The following CAPZA1 variants were observed in gnomAD, a reference collection of about 807,000 sequenced individuals.
CAPZA1 encodes the protein capping actin protein of muscle Z-line subunit alpha 1, also known as F-actin-capping protein subunit alpha-1.
In CAPZA1, 10 loss-of-function variants were observed where a neutral mutation model predicts 40.8. That is an observed-to-expected ratio of 0.25 (90% CI 0.15 to 0.42). The LOEUF is 0.42. CAPZA1 is among the 10% of genes least tolerant of loss of function. The pLI is 1.00. For missense variants in CAPZA1, 277 were observed against 353.8 expected (o/e 0.78, Z 1.74); for synonymous variants, 98 against 115.0 (o/e 0.85, Z 0.95).
intron 7 of CAPZA1, among the ~76,000 whole-genome samples, chr1:112,660,317 T>C (rs1671580326): frequency 6.6e-6 from 1 of 152,194 alleles, no homozygotes; most frequent in African/African-American, 2.4e-5. Flanking sequence ...TTTGCTCTTA[T>C]TGCCCAGGCT....
chr1:112,669,597 G>A lies in CAPZA1; in HGVS notation c.712G>A (p.Glu238Lys). Reference sequence around the variant, plus strand: ...TAAAATCATAGAGAATGCAGAAAATGAGTATCAGGTAAGAAGATTTGGAGT... The same window carrying A: ...TAAAATCATAGAGAATGCAGAAAATAAGTATCAGGTAAGAAGATTTGGAGT... Reference protein sequence around the residue: ...FIKIIENAENEYQTAISENYQ... With the variant: ...FIKIIENAENKYQTAISENYQ... Residue 238 changes from glutamate to lysine, a missense_variant, in exon 9 of 10, where the codon GAG (glutamate) becomes AAG (lysine). Glu to Lys is a moderately conservative substitution (Grantham distance 56). Around this residue, in one of 2 missense-constraint regions of CAPZA1, gnomAD observed 192 missense variants for 277.2 expected, o/e 0.69. Transcript: ENST00000263168. 1 of 1,600,384 alleles carries A rather than the reference G, an allele frequency of 6.2e-7. No individual in the cohort carries two copies. Among genetic ancestry groups the A allele is most frequent in the South Asian group, 1.1e-5 (1 of 90,536 alleles).
chr1:112,640,199 C>G (rs1671119460), intron 1 of CAPZA1, among the ~76,000 whole-genome samples: 1 of 127,364 alleles, frequency 7.9e-6, no homozygotes, highest in Non-Finnish European at 1.7e-5. Context: ...GGGGGGTCAG[C>G]CCCCCGCCCG....
chr1:112,669,948 C>G, intron 9 of CAPZA1, 44 bp from the exon 10 acceptor site: 1 of 1,611,030 alleles, frequency 6.2e-7, no homozygotes, highest in Non-Finnish European at 8.5e-7. Flanking sequence ...TCACAACCAG[C>G]CCCATTTCTG....
In CAPZA1 at chr1:112,667,159, AT is replaced by A; in HGVS notation, c.657+17del. 6.4e-7 allele frequency: 1 copy of A among 1,566,332 alleles called. No homozygotes were observed. Among genetic ancestry groups the A allele is most frequent in the South Asian group, 1.1e-5 (1 of 88,384 alleles). Reference sequence around the variant, plus strand: ...CTAACTGTTTCGGTGAGTATGGAATATTTAGTGTCTGTCTTACTCATGTCTC... The same window carrying A: ...CTAACTGTTTCGGTGAGTATGGAATATTAGTGTCTGTCTTACTCATGTCTC... On this transcript the variant is annotated intron_variant, in intron 8 of 9. Coordinates refer to ENST00000263168, the MANE Select transcript of CAPZA1 (RefSeq NM_006135.3).
At chr1:112,659,344 A>G (rs952952163) in intron 6 of CAPZA1, 1 of 546,902 alleles carries the variant, frequency 1.8e-6, no homozygotes, top group Middle Eastern at 4.9e-4. Flanking sequence ...TCTGAGTTTT[A>G]CTTGGCTTAG....
chr1:112,660,560 G>A lies in CAPZA1; in HGVS notation c.585+781G>A, dbSNP rs547358455. 3.3e-5 allele frequency among the ~76,000 whole-genome samples: 5 copies of A among 152,012 alleles called. 1 individual carries two copies. Among genetic ancestry groups the A allele is most frequent in the Non-Finnish European group, 1.5e-5 (1 of 68,006 alleles). On this transcript the variant is annotated intron_variant, in intron 7 of 9. Transcript: ENST00000263168. ...CTCCCAAAATGCTGGGATTACAGGC[G>A]TGAGCCACTGCACCTGGCCCAGAAG...
In CAPZA1 at chr1:112,653,590, A is replaced by T; in HGVS notation, c.156-8A>T. 6.4e-7 allele frequency: 1 copy of T among 1,551,900 alleles called. No individual in the cohort carries two copies. Among genetic ancestry groups the T allele is most frequent in the Non-Finnish European group, 8.7e-7 (1 of 1,149,542 alleles). ...TTTTTTTTTTAAAAAACTTTTAAAA[A>T]AAAACAGTGCATTTGCCCAGTATAA... On this transcript the variant is annotated splice_region_variant and splice_polypyrimidine_tract_variant and intron_variant, in intron 3 of 9. Coordinates refer to ENST00000263168, the MANE Select transcript of CAPZA1 (RefSeq NM_006135.3).
intron 1 of CAPZA1, among the ~76,000 whole-genome samples, chr1:112,622,883 CTTT>C (rs1185251876): frequency 1.4e-5 from 2 of 139,608 alleles, no homozygotes; most frequent in African/African-American, 2.6e-5. Flanking sequence ...ATATTTTATA[CTTT>C]TTTTTTTTTT....
chr1:112,664,898 G>A (rs1020316555), intron 7 of CAPZA1, among the ~76,000 whole-genome samples: 14 of 152,236 alleles, frequency 9.2e-5, no homozygotes, highest in Non-Finnish European at 2.1e-4. Context: ...TCGTGCCATT[G>A]CACTCCAGCC....
At chr1:112,627,731 C>A (rs953010272) in intron 1 of CAPZA1, among the ~76,000 whole-genome samples, 1 of 149,998 alleles carries the variant, frequency 6.7e-6, no homozygotes, top group Non-Finnish European at 1.5e-5. Context: ...GAGGCTGAGG[C>A]AGGCGGATCA....
chr1:112,628,551 T>C (rs1022743901), intron 1 of CAPZA1, among the ~76,000 whole-genome samples: 5 of 152,212 alleles, frequency 3.3e-5, no homozygotes, highest in African/African-American at 1.2e-4. Context: ...GTTAACTAGA[T>C]AGTCCAAAGT....
intron 5 of CAPZA1, among the ~76,000 whole-genome samples, chr1:112,656,229 A>C (rs1671496776): frequency 6.6e-6 from 1 of 152,192 alleles, no homozygotes; most frequent in East Asian, 1.9e-4. Flanking sequence ...CTGCCAATTA[A>C]TTAGTTGTGT....
chr1:112,654,389 TA>T, intron 4 of CAPZA1, 75 bp from the exon 5 acceptor site: 1 of 913,838 alleles, frequency 1.1e-6, no homozygotes, highest in South Asian at 1.9e-5. Flanking sequence ...TCAGAATTTT[TA>T]TTGATGTGTT....
chr1:112,670,166 G>C lies in CAPZA1; in HGVS notation c.*34G>C. ...TGTAGGATTCTTCAGTATGTGGAAA[G>C]ACAAGGATTCAACGTGTGGTCATAT... On this transcript the variant is annotated 3_prime_UTR_variant, in exon 10 of 10. Transcript: ENST00000263168. 1 of 1,611,014 alleles carries C rather than the reference G, an allele frequency of 6.2e-7. No homozygotes were observed. Among genetic ancestry groups the C allele is most frequent in the Non-Finnish European group, 8.5e-7 (1 of 1,177,448 alleles).
intron 4 of CAPZA1, 114 bp downstream of exon 4, chr1:112,653,775 G>C: frequency 1.4e-6 from 1 of 729,476 alleles, no homozygotes; most frequent in Non-Finnish European, 2.4e-6. Flanking sequence ...AGTTTTTATA[G>C]TTTTTGTGTG....
At chr1:112,649,760 C>A (rs186347545) in intron 3 of CAPZA1, 1 of 384,844 alleles carries the variant, frequency 2.6e-6, no homozygotes, top group Non-Finnish European at 4.6e-6. Flanking sequence ...TGTTCTAGTT[C>A]GTGTTGAATT....
chr1:112,647,101 G>C, intron 1 of CAPZA1, 109 bp from the exon 2 acceptor site: 1 of 530,822 alleles, frequency 1.9e-6, no homozygotes, highest in East Asian at 3.2e-5. Flanking sequence ...TGTTTAAACA[G>C]AACATTTTTT....
In CAPZA1 at chr1:112,659,685, G is replaced by A. The variant is rs779719111; in HGVS notation, c.507-16G>A. ...CTTATTGCTAATTCTGCAATGTTGT[G>A]TGTGTGTTTTAATAGGAATGGTCGT... On this transcript the variant is annotated splice_polypyrimidine_tract_variant and intron_variant, in intron 6 of 9. Transcript: ENST00000263168. The A allele has an allele frequency of 1.2e-6, 2 of 1,604,128 alleles. No individual in the cohort carries two copies. Among genetic ancestry groups the A allele is most frequent in the Admixed American group, 1.7e-5 (1 of 59,800 alleles).
At chr1:112,624,261 A>G (rs1021602764) in intron 1 of CAPZA1, among the ~76,000 whole-genome samples, 1 of 152,076 alleles carries the variant, frequency 6.6e-6, no homozygotes, top group African/African-American at 2.4e-5. Flanking sequence ...TTTCTTTTCC[A>G]TATAGGTATG....
Sources: gnomAD v4.1 joint callset for allele counts (sites outside exome capture counted in the v4.1 genomes callset) on GRCh38, gnomAD v4.1.1 for gene constraint, gnomAD v4.1.1 regional missense constraint, MANE v1.5 for transcripts, NCBI Gene and HGNC (gene_info 2026-07-23, HGNC 2026-07-21) for gene names.